The following MPRIP variants were observed in gnomAD, a reference collection of about 807,000 sequenced individuals.
MPRIP encodes myosin phosphatase Rho-interacting protein.
Under a neutral mutation model 234.9 loss-of-function variants are expected in MPRIP, and 59 were observed. The ratio of observed to expected loss-of-function variants is 0.25; its 90% CI spans 0.20 to 0.31. The LOEUF is 0.31. Ranked by LOEUF, MPRIP falls within the 10% of genes least tolerant of loss-of-function variation. The pLI is 1.00. For synonymous variants in MPRIP, 1,144 were observed against 1,263.9 expected, an observed-to-expected ratio of 0.91 and a Z score of 2.01; for missense variants, 2,436 against 3,071.0, an observed-to-expected ratio of 0.79 and a Z score of 4.89.
At chr17:17,072,881 C>T (rs2089231709) in intron 1 of MPRIP, among the ~76,000 whole-genome samples, 1 of 152,134 alleles carries the variant, frequency 6.6e-6, no homozygotes, top group Admixed American at 6.5e-5. Flanking sequence ...CCCCAGGCCT[C>T]CCCCTGTTAT....
intron 3 of MPRIP, among the ~76,000 whole-genome samples, chr17:17,101,181 A>G (rs778919399): frequency 2.0e-5 from 3 of 152,150 alleles, no homozygotes; most frequent in Admixed American, 1.3e-4. Flanking sequence ...TTCACCCTCA[A>G]TAAAGTATCT....
intron 5 of MPRIP, among the ~76,000 whole-genome samples, chr17:17,133,632 C>G (rs1439723976): frequency 6.6e-6 from 1 of 152,138 alleles, no homozygotes; most frequent in African/African-American, 2.4e-5. Flanking sequence ...GCCTGTTGTG[C>G]CCAGTAAGAA....
chr17:17,141,410 C>T (rs1323109778), intron 7 of MPRIP: 1 of 152,294 alleles, frequency 6.6e-6, no homozygotes, highest in East Asian at 1.9e-4. Context: ...GCTGCTGGTT[C>T]TAGCAGGCTG....
At chr17:17,100,548 G>A (rs532161779) in intron 3 of MPRIP, among the ~76,000 whole-genome samples, 2 of 152,198 alleles carry the variant, frequency 1.3e-5, no homozygotes, top group East Asian at 1.9e-4. Context: ...AGTGGCAGGC[G>A]AGCTAGCATT....
At chr17:17,094,686 C>T (rs1266549181) in intron 3 of MPRIP, among the ~76,000 whole-genome samples, 2 of 150,802 alleles carry the variant, frequency 1.3e-5, no homozygotes, top group Non-Finnish European at 2.9e-5. Context: ...TGTTGGCTCA[C>T]TGCAACCTCC....
intron 3 of MPRIP, among the ~76,000 whole-genome samples, chr17:17,096,002 C>G (rs1382337597): frequency 2.0e-5 from 3 of 151,954 alleles, no homozygotes; most frequent in Admixed American, 6.6e-5. Context: ...ACCTCCCCCC[C>G]ACACACACTT....
At chr17:17,110,802 A>G (rs566552567) in intron 3 of MPRIP, among the ~76,000 whole-genome samples, 1 of 152,292 alleles carries the variant, frequency 6.6e-6, no homozygotes, top group African/African-American at 2.4e-5. Context: ...CCTCAAAACC[A>G]TCAAGGTCAC....
intron 23 of MPRIP, chr17:17,183,122 ACT>A (rs1198451786): frequency 1.3e-5 from 2 of 152,150 alleles, no homozygotes; most frequent in Non-Finnish European, 2.9e-5. Context: ...TCCCCCAGCC[ACT>A]CTCTGTGGCA....
intron 13 of MPRIP, among the ~76,000 whole-genome samples, chr17:17,157,827 T>C (rs1312576523): frequency 2.1e-5 from 3 of 142,230 alleles, no homozygotes; most frequent in Non-Finnish European, 4.6e-5. Context: ...AAACTCCATC[T>C]CAAAAAAAAA....
intron 12 of MPRIP, among the ~76,000 whole-genome samples, chr17:17,151,390 T>C (rs1171967789): frequency 1.3e-5 from 2 of 152,198 alleles, no homozygotes; most frequent in Admixed American, 6.5e-5. Context: ...TTCTGCATCC[T>C]TGGGGACACG....
chr17:17,044,273 G>A (rs1336643877), intron 1 of MPRIP, among the ~76,000 whole-genome samples: 3 of 152,238 alleles, frequency 2.0e-5, no homozygotes, highest in African/African-American at 7.2e-5. Context: ...ACCTCGGAGG[G>A]TGTTTTGGAG....
rs553337218 is a variant in MPRIP at position 17,189,636 on chromosome 17, C to T, written c.*4742C>T. 3 of 152,214 alleles carry T rather than the reference C, an allele frequency of 2.0e-5. No homozygotes were observed. Among genetic ancestry groups the T allele is most frequent in the African/African-American group, 7.2e-5 (3 of 41,528 alleles). The allele number at this position is 152,214 out of a possible 1,614,324, so 9.4% of individuals were successfully genotyped here. On this transcript the variant is annotated 3_prime_UTR_variant, in exon 24 of 24. Transcript: ENST00000651222. ...TGTTGAAATTTTAAAGAAAATTTGT[C>T]ATGTTGATGAGAAGCTTCACTTTCC...
chr17:17,119,882 A>C (rs1270697689), intron 3 of MPRIP, among the ~76,000 whole-genome samples: 1 of 152,158 alleles, frequency 6.6e-6, no homozygotes, highest in Non-Finnish European at 1.5e-5. Context: ...GCATGTGTGC[A>C]CTTGTGTGTG....
intron 2 of MPRIP, 128 bp from the exon 3 acceptor site, chr17:17,077,883 C>T: frequency 1.3e-5 from 11 of 876,684 alleles, no homozygotes; most frequent in Non-Finnish European, 2.1e-5. Flanking sequence ...CTGCCACCTG[C>T]CCCAGAAGTG....
At chr17:17,045,542 G>A (rs1193503305) in intron 1 of MPRIP, among the ~76,000 whole-genome samples, 1 of 152,218 alleles carries the variant, frequency 6.6e-6, no homozygotes, top group Non-Finnish European at 1.5e-5. Flanking sequence ...CCCTACTCCT[G>A]TTCAGGGTCT....
intron 3 of MPRIP, among the ~76,000 whole-genome samples, chr17:17,080,047 G>C (rs1207749632): frequency 6.6e-6 from 1 of 152,256 alleles, no homozygotes; most frequent in East Asian, 1.9e-4. Flanking sequence ...GACTGAGAGA[G>C]GGCATGGGGG....
chr17:17,068,527 ATCTTTTTTTTTTTT>A (rs908173516), intron 1 of MPRIP, among the ~76,000 whole-genome samples: 61 of 141,684 alleles, frequency 4.3e-4, no homozygotes, highest in African/African-American at 1.5e-3. Flanking sequence ...TTCTACCTTT[ATCTTTTTTTTTTTT>A]TCTTTTTGAG....
chr17:17,127,882 C>T (rs2090523291), intron 4 of MPRIP, among the ~76,000 whole-genome samples: 1 of 152,226 alleles, frequency 6.6e-6, no homozygotes. Flanking sequence ...GGCCACATGG[C>T]AAGGCGTCCA....
chr17:17,070,351 C>T (rs78862571), intron 1 of MPRIP, among the ~76,000 whole-genome samples: 5,854 of 152,188 alleles, frequency 0.038, 329 homozygotes, highest in African/African-American at 0.12. Flanking sequence ...GCCCTTTTTC[C>T]GCTTCACCCT....
Sources: allele counts gnomAD v4.1 joint callset (sites outside exome capture counted in the v4.1 genomes callset), GRCh38; gene constraint gnomAD v4.1.1; transcripts MANE v1.5; gene names NCBI Gene and HGNC (gene_info 2026-07-23, HGNC 2026-07-21).